Variants in SLC34A1 observed in about 807,000 individuals in gnomAD.
The protein encoded by SLC34A1 is solute carrier family 34 member 1, also known as sodium-dependent phosphate transport protein 2A.
A neutral mutation model predicts 51.4 loss-of-function variants in SLC34A1; 57 were observed. The observed-to-expected ratio is 1.11, with a 90% confidence interval of 0.90 to 1.38. SLC34A1 has a LOEUF of 1.38. Ranked by LOEUF, SLC34A1 falls within the 40% of genes most tolerant of loss-of-function variation. The pLI is 0.00. For synonymous variants in SLC34A1, 368 were observed against 358.0 expected, an observed-to-expected ratio of 1.03 and a Z score of -0.32; for missense variants, 796 against 835.6, an observed-to-expected ratio of 0.95 and a Z score of 0.58.
chr5:177,388,174 G>A lies in SLC34A1; in HGVS notation c.825G>A (p.Thr275=), dbSNP rs367864944. 23 of 1,613,988 alleles carry A rather than the reference G, an allele frequency of 1.4e-5. No individual in the cohort carries two copies. The highest frequency in any genetic ancestry group is 2.2e-5 in the East Asian group (1 of 44,890). The part of the protein sequence containing the change: ...DLLKIITEPF[T]KLIIQLDESV... Reference sequence around the variant, plus strand: ...TCAAGATCATCACAGAGCCCTTCACGAAGCTCATCATCCAGGTGACAGCAG... The same window carrying A: ...TCAAGATCATCACAGAGCCCTTCACAAAGCTCATCATCCAGGTGACAGCAG... Residue 275 remains threonine (T), a synonymous_variant, in exon 7 of 13, where the codon ACG becomes ACA. Coordinates refer to ENST00000324417, the MANE Select transcript of SLC34A1 (RefSeq NM_003052.5). The surrounding 1 kb of genome is among the most constrained non-coding windows in gnomAD (Gnocchi z 4.3).
At position 177,385,722 on chromosome 5, in the gene SLC34A1, C is replaced by A. The variant is rs373961514; in HGVS notation, c.-20C>A. ...TTGCTGAGACCCACTGACCTGCAGA[C>A]CTCATAGTGGGTGCCCAGGATGTTG... is the stretch of plus-strand genomic sequence containing the variant. On this transcript the variant is annotated 5_prime_UTR_variant, in exon 2 of 13. Coordinates refer to ENST00000324417, the MANE Select transcript of SLC34A1 (RefSeq NM_003052.5). The A allele has an allele frequency of 2.7e-5, 43 of 1,585,770 alleles. No individual in the cohort carries two copies. Among genetic ancestry groups the A allele is most frequent in the Admixed American group, 1.7e-5 (1 of 59,114 alleles).
chr5:177,389,944 C>G (rs369316167), intron 8 of SLC34A1: 1 of 1,406,274 alleles, frequency 7.1e-7, no homozygotes, highest in Admixed American at 3.0e-5. Flanking sequence ...CTCATTTCCT[C>G]GGCTTGGAGA....
At chr5:177,392,606 T>G (rs1762842123) in intron 8 of SLC34A1, among the ~76,000 whole-genome samples, 1 of 152,164 alleles carries the variant, frequency 6.6e-6, no homozygotes, top group African/African-American at 2.4e-5. Context: ...ATTTACAGAT[T>G]GGGAGTTTGT....
intron 12 of SLC34A1, 37 bp from the exon 13 acceptor site, chr5:177,397,738 TGGGAGCCA>T (rs1338004176): frequency 2.5e-6 from 4 of 1,600,752 alleles, no homozygotes; most frequent in Non-Finnish European, 2.5e-6. Context: ...ACACAGGACC[TGGGAGCCA>T]GTGCCCATCT....
At chr5:177,392,305 T>C (rs1182711524) in intron 8 of SLC34A1, among the ~76,000 whole-genome samples, 1 of 151,940 alleles carries the variant, frequency 6.6e-6, no homozygotes, top group Non-Finnish European at 1.5e-5. Context: ...CTACTAAAAA[T>C]ACAAAAAATT....
intron 8 of SLC34A1, among the ~76,000 whole-genome samples, chr5:177,391,240 G>A (rs912391319): frequency 1.3e-5 from 2 of 152,166 alleles, no homozygotes; most frequent in African/African-American, 2.4e-5. Context: ...CTCCCTCCCG[G>A]CAGTTCACTC....
chr5:177,386,248 A>ACT lies in SLC34A1; in HGVS notation c.287_288insCT (p.Gln96HisfsTer12). On this transcript the variant is annotated frameshift_variant, in exon 4 of 13. Transcript: ENST00000324417. LOFTEE classifies it high-confidence loss of function. The surrounding 1 kb of genome is among the most constrained non-coding windows in gnomAD (Gnocchi z 4.8). ...TCCAGGCTGGTCCCCAAGCTGCGCC[A>ACT]GGCTGGCGCCATGCTGCTCAAGGTG... 1 of 1,544,056 alleles carries ACT rather than the reference A, an allele frequency of 6.5e-7. No individual in the cohort carries two copies. Among genetic ancestry groups the ACT allele is most frequent in the Non-Finnish European group, 8.9e-7 (1 of 1,119,826 alleles).
chr5:177,397,686 C>T, intron 12 of SLC34A1, 97 bp from the exon 13 acceptor site: 1 of 1,536,982 alleles, frequency 6.5e-7, no homozygotes, highest in Non-Finnish European at 8.9e-7. Context: ...TCCTGCTGCC[C>T]AGACCAGATC....
chr5:177,389,666 C>T (rs1351630977), intron 8 of SLC34A1: 1 of 1,537,282 alleles, frequency 6.5e-7, no homozygotes, highest in Admixed American at 2.0e-5. Context: ...AGAAATCACA[C>T]ACTTTGATCT....
chr5:177,390,667 T>A (rs1009211531), intron 8 of SLC34A1, among the ~76,000 whole-genome samples: 8 of 151,772 alleles, frequency 5.3e-5, no homozygotes, highest in African/African-American at 1.9e-4. Context: ...GAAGTTCTCC[T>A]TTTCGCCACC....
At chr5:177,397,160 A>T (rs1313205370) in intron 12 of SLC34A1, 86 bp downstream of exon 12, 4 of 1,533,336 alleles carry the variant, frequency 2.6e-6, no homozygotes, top group Non-Finnish European at 2.6e-6. Context: ...AACATGGAAC[A>T]AATATTTTGA....
chr5:177,396,959 T>G lies in SLC34A1; in HGVS notation c.1301T>G (p.Val434Gly), dbSNP rs1762989638. The change falls in exon 12 of 13, where the codon GTG becomes GGG. Residue 434 changes from valine (V) to glycine (G), a missense_variant. Transcript: ENST00000324417. The surrounding 1 kb of genome is among the most constrained non-coding windows in gnomAD (Gnocchi z 4.0). ...SAITPLIGLG[V>G]ISIERAYPLT... ...CTCCCTCTGTCCCCAGGTCTTGGTG[T>G]GATCAGCATTGAGAGGGCCTACCCG... 2 of 1,613,982 alleles carry G rather than the reference T, an allele frequency of 1.2e-6. No homozygotes were observed. Among genetic ancestry groups the G allele is most frequent in the Admixed American group, 1.7e-5 (1 of 60,014 alleles).
intron 8 of SLC34A1, among the ~76,000 whole-genome samples, chr5:177,393,436 C>T (rs1302358885): frequency 4.6e-5 from 7 of 152,148 alleles, no homozygotes; most frequent in East Asian, 1.9e-4. Flanking sequence ...CAGGAAGCCA[C>T]TGGATGTGGC....
intron 10 of SLC34A1, among the ~76,000 whole-genome samples, chr5:177,395,877 T>G (rs1762939042): frequency 1.3e-5 from 2 of 152,174 alleles, no homozygotes; most frequent in African/African-American, 4.8e-5. Flanking sequence ...CAAGTGAACC[T>G]CTCGCCTTGG....
Position 177,386,284 on chromosome 5 carries a change from T to C in SLC34A1, c.323T>C (p.Leu108Pro), listed in dbSNP as rs755488804. The stretch of plus-strand genomic sequence containing the variant: ...ATGCTGCTCAAGGTGCCACTGATGC[T>C]CACCTTCCTCTACCTCTTCGTCTGC... ...GAMLLKVPLM[L>P]TFLYLFVCSL... is the part of the protein sequence containing the mutation. The change falls in exon 4 of 13, where the codon CTC becomes CCC. Residue 108 changes from leucine to proline, a missense_variant. Transcript: ENST00000324417. This position sits in a 1 kb window ranked among gnomAD's most constrained non-coding sequence, Gnocchi z 4.8. The C allele has an allele frequency of 6.2e-7, 1 of 1,614,220 alleles. No homozygotes were observed. Among genetic ancestry groups the C allele is most frequent in the Non-Finnish European group, 8.5e-7 (1 of 1,180,026 alleles).
At position 177,398,208 on chromosome 5, in the gene SLC34A1, CT is replaced by C. The variant is rs1318616234; in HGVS notation, c.1844del (p.Phe615SerfsTer67). ...PRSPPLPPRV[F>X]LEELPPATPS... ...GCTCACCCCCGCTGCCCCCCAGGGT[CT>C]TCCTGGAGGAGCTACCCCCTGCCAC... On this transcript the variant is annotated frameshift_variant, in exon 13 of 13. Coordinates refer to ENST00000324417, the MANE Select transcript of SLC34A1 (RefSeq NM_003052.5). LOFTEE classifies it high-confidence loss of function. The surrounding 1 kb of genome is among the most constrained non-coding windows in gnomAD (Gnocchi z 4.7). 1.2e-5 allele frequency: 19 copies of C among 1,606,046 alleles called. No individual in the cohort carries two copies. Among genetic ancestry groups the C allele is most frequent in the Non-Finnish European group, 1.5e-5 (18 of 1,179,290 alleles).
chr5:177,397,125 G>A (rs771185061), intron 12 of SLC34A1, 51 bp downstream of exon 12: 11 of 1,598,994 alleles, frequency 6.9e-6, no homozygotes, highest in African/African-American at 6.7e-5. Context: ...TGCCTCTGGG[G>A]TGTGGGGCCT....
chr5:177,394,344 CT>C, intron 10 of SLC34A1, 149 bp downstream of exon 10: 1 of 874,072 alleles, frequency 1.1e-6, no homozygotes, highest in Non-Finnish European at 1.8e-6. Context: ...TCTGAGGCCA[CT>C]GAGGTACTGA....
Position 177,386,094 on chromosome 5 carries a change from C to CCACT in SLC34A1, c.218_221dup (p.Pro75ThrfsTer62). 6.2e-7 allele frequency: 1 copy of CCACT among 1,613,220 alleles called. No individual in the cohort carries two copies. Among genetic ancestry groups the CCACT allele is most frequent in the Non-Finnish European group, 8.5e-7 (1 of 1,179,550 alleles). On this transcript the variant is annotated frameshift_variant, in exon 3 of 13. Coordinates refer to ENST00000324417, the MANE Select transcript of SLC34A1 (RefSeq NM_003052.5). LOFTEE classifies it high-confidence loss of function. The surrounding 1 kb of genome is among the most constrained non-coding windows in gnomAD (Gnocchi z 4.8). Reference sequence around the variant, plus strand: ...TGGGGAGGTCCTGGAGCGCCATGAACCACTGCCTGCCAAGCTGGCCCTGGA... The same window carrying CCACT: ...TGGGGAGGTCCTGGAGCGCCATGAACCACTCACTGCCTGCCAAGCTGGCCCTGGA...
Sources: allele counts gnomAD v4.1 joint callset (sites outside exome capture counted in the v4.1 genomes callset), GRCh38; gene constraint gnomAD v4.1.1; non-coding constraint Gnocchi (gnomAD v3.1); transcripts MANE v1.5; gene names NCBI Gene and HGNC (gene_info 2026-07-23, HGNC 2026-07-21).